The following RASAL2 variants were observed in gnomAD, a reference collection of about 807,000 sequenced individuals.
RASAL2 encodes the protein RAS protein activator like 2, also known as ras GTPase-activating protein nGAP.
In RASAL2, 58 loss-of-function variants were observed where a neutral mutation model predicts 128.9. That is an observed-to-expected ratio of 0.45 (90% CI 0.36 to 0.56). The LOEUF is 0.56. Among genes scored for constraint, RASAL2 ranks in the 20% least tolerant of loss-of-function variants. The probability of loss-of-function intolerance (pLI) is 0.00; values close to 1 mark genes in which losing one functional copy is unlikely to be tolerated. For missense variants in RASAL2, 1,360 were observed against 1,601.6 expected, an observed-to-expected ratio of 0.85 and a Z score of 2.57; for synonymous variants, 561 against 580.8, an observed-to-expected ratio of 0.97 and a Z score of 0.49.
At chr1:178,112,859 T>G (rs950826539) in intron 1 of RASAL2, among the ~76,000 whole-genome samples, 1 of 151,428 alleles carries the variant, frequency 6.6e-6, no homozygotes, top group Non-Finnish European at 1.5e-5. Context: ...TGTATACATA[T>G]GTAACTAACC....
intron 1 of RASAL2, among the ~76,000 whole-genome samples, chr1:178,162,790 G>A (rs986698613): frequency 1.2e-4 from 18 of 151,196 alleles, no homozygotes; most frequent in Non-Finnish European, 2.5e-4. Context: ...GTTTTACCAT[G>A]TTGGCCAGGC....
intron 17 of RASAL2, among the ~76,000 whole-genome samples, chr1:178,469,757 C>CA (rs1197585305): frequency 6.6e-6 from 1 of 152,208 alleles, no homozygotes; most frequent in Non-Finnish European, 1.5e-5. Context: ...GACCACTCAA[C>CA]AGCAAGGACC....
rs569213365 is a variant in RASAL2 at position 178,323,747 on chromosome 1, G to C, written c.457+23629G>C. ...TTCTTATATTTATAGAGAATGATAAGAGAAAATGAAGTATCTTAATGAAAG... is the reference window on the plus strand; with the variant it reads ...TTCTTATATTTATAGAGAATGATAACAGAAAATGAAGTATCTTAATGAAAG... On this transcript the variant is annotated intron_variant, in intron 3 of 17. Coordinates refer to ENST00000367649, the MANE Select transcript of RASAL2 (RefSeq NM_170692.4). Among the ~76,000 whole-genome samples, 4 of 152,240 alleles carry C rather than the reference G, an allele frequency of 2.6e-5. No individual in the cohort carries two copies. In the South Asian group the frequency reaches 8.3e-4, roughly 32 times the overall value.
At position 178,153,693 on chromosome 1, in the gene RASAL2, C is replaced by T. The variant is rs576788248; in HGVS notation, c.202+58999C>T. Among the ~76,000 whole-genome samples the T allele has an allele frequency of 2.6e-5, 4 of 152,150 alleles. No individual in the cohort carries two copies. The South Asian group carries it at 8.3e-4, about 32-fold the overall frequency. On this transcript the variant is annotated intron_variant, in intron 1 of 17. Transcript: ENST00000367649. Reference sequence around the variant, plus strand: ...TATGAATACACCATATTTTGCTTGGCCTTTCACCAGTTAATATTTTGGCTA... The same window carrying T: ...TATGAATACACCATATTTTGCTTGGTCTTTCACCAGTTAATATTTTGGCTA...
At chr1:178,203,106 A>G (rs1398060574) in intron 1 of RASAL2, among the ~76,000 whole-genome samples, 1 of 152,198 alleles carries the variant, frequency 6.6e-6, no homozygotes. Context: ...CCTCACTGGA[A>G]TAGACACTTA....
intron 3 of RASAL2, among the ~76,000 whole-genome samples, chr1:178,374,159 G>A (rs1671870946): frequency 6.6e-6 from 1 of 152,080 alleles, no homozygotes. Flanking sequence ...TGGATAAACA[G>A]GAATTTTACT....
In RASAL2 at chr1:178,212,956, G is replaced by A. The variant is rs550142774; in HGVS notation, c.203-70608G>A. 7.9e-5 allele frequency among the ~76,000 whole-genome samples: 12 copies of A among 152,302 alleles called. No homozygotes were observed. The South Asian group carries it at 1.7e-3, about 21-fold the overall frequency. On this transcript the variant is annotated intron_variant, in intron 1 of 17. Coordinates refer to ENST00000367649, the MANE Select transcript of RASAL2 (RefSeq NM_170692.4). ...GTGTGTACTTTCCTGACCTTTGAAA[G>A]TACAAAGCAGTCTTTCTCCAAGATG...
chr1:178,269,756 T>C (rs187407572), intron 1 of RASAL2, among the ~76,000 whole-genome samples: 320 of 152,284 alleles, frequency 2.1e-3, no homozygotes, highest in Non-Finnish European at 3.8e-3. Flanking sequence ...ACCATAAAAA[T>C]GGGCAACCAG....
At chr1:178,171,867 A>G (rs1219843419) in intron 1 of RASAL2, among the ~76,000 whole-genome samples, 2 of 152,032 alleles carry the variant, frequency 1.3e-5, no homozygotes. Context: ...TATTTTCAAA[A>G]GGATTTATCA....
chr1:178,284,471 G>A (rs1489957852), intron 2 of RASAL2, among the ~76,000 whole-genome samples: 1 of 152,350 alleles, frequency 6.6e-6, no homozygotes, highest in Non-Finnish European at 1.5e-5. Flanking sequence ...GAAGGGCAGA[G>A]AGTAGAATAG....
chr1:178,260,366 ATATATATATATATATATATATATATATAT>A (rs1665633533), intron 1 of RASAL2, among the ~76,000 whole-genome samples: 1 of 19,294 alleles, frequency 5.2e-5, no homozygotes, highest in African/African-American at 2.1e-4. Flanking sequence ...AAAAAAAAAT[ATATATATATATATATATATATATATATAT>A]ATATATATAT....
chr1:178,238,615 C>A (rs181526226), intron 1 of RASAL2, among the ~76,000 whole-genome samples: 199 of 152,168 alleles, frequency 1.3e-3, no homozygotes, highest in African/African-American at 4.6e-3. Context: ...TATACACACA[C>A]ACACACACAC....
At chr1:178,224,493 A>G (rs939134379) in intron 1 of RASAL2, among the ~76,000 whole-genome samples, 4 of 152,120 alleles carry the variant, frequency 2.6e-5, no homozygotes, top group African/African-American at 9.7e-5. Context: ...AGTGATAGGA[A>G]ATGGGAAGAG....
In RASAL2 at chr1:178,113,511, AGTGTGTGTGTGTGTGTGTGT is replaced by A. The variant is rs61642582; in HGVS notation, c.202+18852_202+18871del. Among the ~76,000 whole-genome samples the A allele has an allele frequency of 7.0e-4, 86 of 122,268 alleles. 1 individual carries two copies. The highest frequency in any genetic ancestry group is 1.6e-3 in the African/African-American group (50 of 32,042). The allele number at this position is 122,268 out of a possible 152,430, so 80.2% of individuals were successfully genotyped here. ...ATGTGTGTGGGCATGCATGCCTGCG[AGTGTGTGTGTGTGTGTGTGT>A]GTGTGTGTGTGTGTGTGTGTGTGTG... On this transcript the variant is annotated intron_variant, in intron 1 of 17. Transcript: ENST00000367649.
chr1:178,298,821 A>G (rs1667630477), intron 2 of RASAL2, among the ~76,000 whole-genome samples: 1 of 152,080 alleles, frequency 6.6e-6, no homozygotes, highest in Non-Finnish European at 1.5e-5. Context: ...TAATTATGAC[A>G]TACTCTGCCA....
chr1:178,328,969 G>T (rs1669166520), intron 3 of RASAL2, among the ~76,000 whole-genome samples: 1 of 152,164 alleles, frequency 6.6e-6, no homozygotes. Flanking sequence ...CAGAGTGATT[G>T]ACTTAGCAAA....
At position 178,094,703 on chromosome 1, in the gene RASAL2, C is replaced by A; in HGVS notation, c.202+9C>A. The A allele has an allele frequency of 6.2e-7, 1 of 1,613,892 alleles. No individual in the cohort carries two copies. ...CTGGGTCCGGGTGTACGGTAAGGAC[C>A]ACAGGCCGTCTTAGAGGCTGGTGTT... On this transcript the variant is annotated intron_variant, in intron 1 of 17. Transcript: ENST00000367649.
chr1:178,420,659 G>T, intron 5 of RASAL2, 39 bp downstream of exon 5: 2 of 1,452,544 alleles, frequency 1.4e-6, no homozygotes, highest in South Asian at 2.5e-5. Flanking sequence ...AAAGCAGTTT[G>T]AGAGTGAATT....
At position 178,473,173 on chromosome 1, in the gene RASAL2, C is replaced by T. The variant is rs776631720; in HGVS notation, c.3777C>T (p.Ile1259=). 1.2e-6 allele frequency: 2 copies of T among 1,614,222 alleles called. No individual in the cohort carries two copies. Among genetic ancestry groups the T allele is most frequent in the Non-Finnish European group, 1.7e-6 (2 of 1,180,038 alleles). Reference sequence around the variant, plus strand: ...ACAGCATGCAGGTCCGCAATGGCATCTCCCCCACCAACCCCACCAAGCTTT... The same window carrying T: ...ACAGCATGCAGGTCCGCAATGGCATTTCCCCCACCAACCCCACCAAGCTTT... ...ERYSMQVRNG[I]SPTNPTKLSI... The change falls in exon 18 of 18, where the codon ATC becomes ATT. Residue 1259 remains isoleucine (I), a synonymous_variant. Transcript: ENST00000367649.
Sources: gnomAD v4.1 joint callset for allele counts (sites outside exome capture counted in the v4.1 genomes callset) on GRCh38, gnomAD v4.1.1 for gene constraint, MANE v1.5 for transcripts, NCBI Gene and HGNC (gene_info 2026-07-23, HGNC 2026-07-21) for gene names.